The following BACH2 variants were observed in gnomAD, a reference collection of about 807,000 sequenced individuals.
BACH2 encodes the protein transcription regulator protein BACH2.
Under a neutral mutation model 61.8 loss-of-function variants are expected in BACH2, and 5 were observed. The ratio of observed to expected loss-of-function variants is 0.08; its 90% confidence interval spans 0.04 to 0.17. The LOEUF is 0.17. Among genes scored for constraint, BACH2 ranks in the 10% least tolerant of loss-of-function variants. BACH2 has a pLI of 1.00. For missense variants in BACH2, 824 were observed against 1,091.1 expected, an observed-to-expected ratio of 0.76 and a Z score of 3.45; for synonymous variants, 446 against 440.1, an observed-to-expected ratio of 1.01 and a Z score of -0.17.
chr6:90,029,952 T>C (rs1247546137), intron 5 of BACH2, among the ~76,000 whole-genome samples: 1 of 152,126 alleles, frequency 6.6e-6, no homozygotes, highest in African/African-American at 2.4e-5. Flanking sequence ...ATTGACACAG[T>C]GAAGGAAAAG....
chr6:90,272,874 T>G (rs933801652), intron 1 of BACH2, among the ~76,000 whole-genome samples: 1 of 152,148 alleles, frequency 6.6e-6, no homozygotes. Context: ...TCACTACCCC[T>G]GCCATTTTCA....
intron 6 of BACH2, among the ~76,000 whole-genome samples, chr6:89,998,512 A>G (rs1006974615): frequency 5.9e-5 from 9 of 152,174 alleles, no homozygotes; most frequent in African/African-American, 1.9e-4. Context: ...CTAGGAAACC[A>G]AAAGTGTTAT....
At chr6:90,125,337 G>A (rs922020294) in intron 4 of BACH2, among the ~76,000 whole-genome samples, 1 of 152,132 alleles carries the variant, frequency 6.6e-6, no homozygotes, top group African/African-American at 2.4e-5. Flanking sequence ...GATGCCACCT[G>A]TCATTTAAGT....
intron 4 of BACH2, among the ~76,000 whole-genome samples, chr6:90,118,315 A>C (rs1319326972): frequency 6.6e-6 from 1 of 152,182 alleles, no homozygotes; most frequent in Non-Finnish European, 1.5e-5. Context: ...GGATAATACA[A>C]ACAGGATGAA....
At chr6:90,023,435 C>T (rs1778483492) in intron 5 of BACH2, among the ~76,000 whole-genome samples, 1 of 152,160 alleles carries the variant, frequency 6.6e-6, no homozygotes, top group African/African-American at 2.4e-5. Context: ...CATGAAGACG[C>T]CTGCTCCAGC....
At chr6:90,093,304 T>C (rs1277954803) in intron 4 of BACH2, among the ~76,000 whole-genome samples, 2 of 151,990 alleles carry the variant, frequency 1.3e-5, no homozygotes, top group African/African-American at 4.8e-5. Flanking sequence ...TCCTACAGCA[T>C]GGGGGGAGAT....
chr6:90,253,676 AG>A (rs1313409410), intron 2 of BACH2, among the ~76,000 whole-genome samples: 6 of 152,220 alleles, frequency 3.9e-5, no homozygotes, highest in South Asian at 2.1e-4. Context: ...AGTGAATGAA[AG>A]GGTAACTCAA....
At chr6:90,022,404 T>C (rs1349765728) in intron 5 of BACH2, among the ~76,000 whole-genome samples, 1 of 152,146 alleles carries the variant, frequency 6.6e-6, no homozygotes, top group African/African-American at 2.4e-5. Flanking sequence ...GTCAACATGG[T>C]GAAACCCTGT....
At chr6:90,163,359 G>A (rs895070118) in intron 4 of BACH2, among the ~76,000 whole-genome samples, 1 of 151,800 alleles carries the variant, frequency 6.6e-6, no homozygotes, top group African/African-American at 2.4e-5. Flanking sequence ...GAAGTGATAA[G>A]TATTTACAAC....
At chr6:89,957,920 A>G (rs771955756) in intron 6 of BACH2, among the ~76,000 whole-genome samples, 1 of 152,214 alleles carries the variant, frequency 6.6e-6, no homozygotes, top group Non-Finnish European at 1.5e-5. Flanking sequence ...TCAACATTGA[A>G]ATTGATTTAT....
chr6:90,049,651 G>T (rs1779944689), intron 5 of BACH2, among the ~76,000 whole-genome samples: 1 of 152,170 alleles, frequency 6.6e-6, no homozygotes, highest in Non-Finnish European at 1.5e-5. Context: ...CAAACTATCA[G>T]TTCTTCACTA....
At chr6:90,153,776 T>C (rs1784902458) in intron 4 of BACH2, among the ~76,000 whole-genome samples, 1 of 152,168 alleles carries the variant, frequency 6.6e-6, no homozygotes, top group African/African-American at 2.4e-5. Context: ...AAACACTCCT[T>C]CTATGTTATG....
chr6:90,148,131 G>A (rs139642279), intron 4 of BACH2, among the ~76,000 whole-genome samples: 1 of 152,314 alleles, frequency 6.6e-6, no homozygotes, highest in African/African-American at 2.4e-5. Flanking sequence ...GGAGCTAATG[G>A]CTGACAAATA....
chr6:89,945,159 A>T (rs4053613), intron 7 of BACH2, among the ~76,000 whole-genome samples: 9,943 of 152,168 alleles, frequency 0.065, 450 homozygotes, highest in East Asian at 0.26. Flanking sequence ...TAGCAGTTCC[A>T]CTCCTAGGAA....
chr6:90,018,401 G>C (rs1026311855), intron 5 of BACH2, among the ~76,000 whole-genome samples: 1 of 152,194 alleles, frequency 6.6e-6, no homozygotes. Flanking sequence ...CCATGGCCTA[G>C]AAACTCTCAA....
At chr6:90,107,295 C>G (rs1782963455) in intron 4 of BACH2, among the ~76,000 whole-genome samples, 2 of 152,024 alleles carry the variant, frequency 1.3e-5, no homozygotes, top group South Asian at 4.1e-4. Context: ...TTGCTTGAAT[C>G]CAGGAAGCGG....
At chr6:90,080,380 A>G (rs1386188007) in intron 5 of BACH2, among the ~76,000 whole-genome samples, 1 of 151,920 alleles carries the variant, frequency 6.6e-6, no homozygotes, top group Non-Finnish European at 1.5e-5. Flanking sequence ...CCTTAACCAC[A>G]CTTCTCCACC....
chr6:90,019,777 A>G (rs1778279362), intron 5 of BACH2, among the ~76,000 whole-genome samples: 1 of 152,218 alleles, frequency 6.6e-6, no homozygotes, highest in African/African-American at 2.4e-5. Context: ...AGTAGAAACT[A>G]GGACCCAAAC....
intron 1 of BACH2, among the ~76,000 whole-genome samples, chr6:90,291,942 ACTT>A (rs1772193412): frequency 6.6e-6 from 1 of 152,180 alleles, no homozygotes; most frequent in South Asian, 2.1e-4. Context: ...TGTCGCTGAA[ACTT>A]CTTCAACATC....
Sources: gnomAD v4.1 joint callset for allele counts (sites outside exome capture counted in the v4.1 genomes callset) on GRCh38, gnomAD v4.1.1 for gene constraint, MANE v1.5 for transcripts, NCBI Gene and HGNC (gene_info 2026-07-23, HGNC 2026-07-21) for gene names.